The following CACNA1C variants were observed in gnomAD, a reference collection of about 807,000 sequenced individuals.
CACNA1C encodes voltage-dependent L-type calcium channel subunit alpha-1C.
CACNA1C carries 30 observed loss-of-function variants against 229.0 expected under a neutral mutation model. That is an observed-to-expected ratio of 0.13 (90% CI 0.10 to 0.18). The LOEUF (loss-of-function observed/expected upper bound fraction) is 0.18. Among genes scored for constraint, CACNA1C ranks in the 10% least tolerant of loss-of-function variants. The probability of loss-of-function intolerance (pLI) is 1.00; values close to 1 mark genes in which losing one functional copy is unlikely to be tolerated. For synonymous variants in CACNA1C, 1,114 were observed against 1,132.5 expected (o/e 0.98, Z 0.33); for missense variants, 1,658 against 2,845.0 (o/e 0.58, Z 9.49).
At chr12:2,321,186 G>A in intron 3 of CACNA1C, among the ~76,000 whole-genome samples, 1 of 152,136 alleles carries the variant, frequency 6.6e-6, no homozygotes, top group Non-Finnish European at 1.5e-5. Context: ...ACCTGTCCAG[G>A]GGAGGGGCTT....
At chr12:2,196,490 A>G (rs2097406888) in intron 3 of CACNA1C, among the ~76,000 whole-genome samples, 1 of 152,244 alleles carries the variant, frequency 6.6e-6, no homozygotes, top group Non-Finnish European at 1.5e-5. Flanking sequence ...TTTATTATTA[A>G]GTTGGTGTTT....
At chr12:2,572,490 CCT>C in intron 13 of CACNA1C, among the ~76,000 whole-genome samples, 1 of 101,532 alleles carries the variant, frequency 9.8e-6, no homozygotes, top group African/African-American at 3.9e-5. Flanking sequence ...TCTTCCTCCT[CCT>C]CCTCCTCTCC....
rs545579805 is a variant in CACNA1C at position 2,489,403 on chromosome 12, C to T, written c.916+3141C>T. Among the ~76,000 whole-genome samples, 125 of 152,324 alleles carry T rather than the reference C, an allele frequency of 8.2e-4. 1 individual carries two copies. Among genetic ancestry groups the T allele is most frequent in the African/African-American group, 2.7e-3 (114 of 41,584 alleles). On this transcript the variant is annotated intron_variant, in intron 6 of 46. Coordinates refer to ENST00000399655, the MANE Select transcript of CACNA1C (RefSeq NM_000719.7). Reference sequence around the variant, plus strand: ...AGACTGCCCTTCCAGGGAGCAGCCCCGGTGAAGGCGGTCTCAGAAGAGGCG... The same window carrying T: ...AGACTGCCCTTCCAGGGAGCAGCCCTGGTGAAGGCGGTCTCAGAAGAGGCG...
rs1220810511 is a variant in CACNA1C, at chr12:2,630,804, A to C, written c.3829-3493A>C. 5.3e-5 allele frequency among the ~76,000 whole-genome samples: 8 copies of C among 152,174 alleles called. No homozygotes were observed. The highest frequency in any genetic ancestry group is 4.6e-4 in the Admixed American group (7 of 15,280). On this transcript the variant is annotated intron_variant, in intron 29 of 46. Transcript: ENST00000399655. This position sits in a 1 kb window ranked among gnomAD's most constrained non-coding sequence, Gnocchi z 5.4. Reference sequence around the variant, plus strand: ...GCTCCCAGGTAGTGTGCCACCAAACAGATGTCAGTCTAAAGCCTGGAGTAG... The same window carrying C: ...GCTCCCAGGTAGTGTGCCACCAAACCGATGTCAGTCTAAAGCCTGGAGTAG...
Position 2,053,762 on chromosome 12 carries a change from C to T in CACNA1C, c.49+151C>T, listed in dbSNP as rs1391536439. Among the ~76,000 whole-genome samples the T allele has an allele frequency of 1.3e-5, 2 of 150,520 alleles. No individual in the cohort carries two copies. Among genetic ancestry groups the T allele is most frequent in the Non-Finnish European group, 1.5e-5 (1 of 67,468 alleles). Reference sequence around the variant, plus strand: ...GGCGCCTCCGCCTCGTCGGAGCGCCCGGGAGCCCGGCGGGACCGGGGCCCG... The same window carrying T: ...GGCGCCTCCGCCTCGTCGGAGCGCCTGGGAGCCCGGCGGGACCGGGGCCCG... On this transcript the variant is annotated intron_variant, in intron 1 of 46. Coordinates refer to ENST00000399655, the MANE Select transcript of CACNA1C (RefSeq NM_000719.7). The surrounding 1 kb of genome is among the most constrained non-coding windows in gnomAD (Gnocchi z 5.8).
intron 1 of CACNA1C, among the ~76,000 whole-genome samples, chr12:2,099,891 G>A (rs898829004): frequency 2.0e-5 from 3 of 152,110 alleles, no homozygotes; most frequent in African/African-American, 7.2e-5. Context: ...TCATTTGATT[G>A]TCACACAGTG....
intron 34 of CACNA1C, among the ~76,000 whole-genome samples, chr12:2,659,594 C>G (rs942337742): frequency 2.0e-5 from 3 of 152,084 alleles, no homozygotes; most frequent in African/African-American, 7.2e-5. Flanking sequence ...AGAAAAAATT[C>G]AGAGCCTGAA....
intron 9 of CACNA1C, among the ~76,000 whole-genome samples, chr12:2,522,766 A>T (rs527700020): frequency 5.7e-4 from 86 of 152,118 alleles, no homozygotes; most frequent in African/African-American, 2.0e-3. Context: ...ATGAGAGGGG[A>T]TGTCTTTTTC....
At chr12:2,496,820 G>C (rs569387617) in intron 7 of CACNA1C, among the ~76,000 whole-genome samples, 49 of 152,296 alleles carry the variant, frequency 3.2e-4, no homozygotes, top group African/African-American at 1.0e-3. Context: ...CCGGGGATTT[G>C]GAAATGAAAC....
In CACNA1C at chr12:2,567,771, G is replaced by A. The variant is rs202227691; in HGVS notation, c.1872G>A (p.Leu624=). The change falls in exon 13 of 47, where the codon CTG becomes CTA. Residue 624 remains leucine (L), a synonymous_variant. Coordinates refer to ENST00000399655, the MANE Select transcript of CACNA1C (RefSeq NM_000719.7). Reference sequence around the variant, plus strand: ...TCTCCGTGCTCAGATGCGTCCGGCTGCTGAGGATTTTCAAGATCACGAGGT... The same window carrying A: ...TCTCCGTGCTCAGATGCGTCCGGCTACTGAGGATTTTCAAGATCACGAGGT... ...LGISVLRCVR[L]LRIFKITRYW... 44 of 1,609,748 alleles carry A rather than the reference G, an allele frequency of 2.7e-5. No individual in the cohort carries two copies. The African/African-American group carries it at 3.6e-4, about 13-fold the overall frequency.
At position 2,181,198 on chromosome 12, in the gene CACNA1C, G is replaced by A. The variant is rs111855017; in HGVS notation, c.477+60768G>A. ...GGTAACAATGATCATTACTACCTCT[G>A]TTATTTCCTGTAGCCAACTGACATC... is the stretch of plus-strand genomic sequence containing the variant. On this transcript the variant is annotated intron_variant, in intron 3 of 46. Coordinates refer to ENST00000399655, the MANE Select transcript of CACNA1C (RefSeq NM_000719.7). The surrounding 1 kb of genome is among the most constrained non-coding windows in gnomAD (Gnocchi z 4.0). Among the ~76,000 whole-genome samples the A allele has an allele frequency of 1.4e-4, 22 of 152,272 alleles. No individual in the cohort carries two copies. Among genetic ancestry groups the A allele is most frequent in the African/African-American group, 5.1e-4 (21 of 41,548 alleles).
rs758461435 is a variant in CACNA1C, at chr12:2,606,655, G to T, written c.3201G>T (p.Ala1067=). ...TCSDSSKQTE[A]ECKGNYITYK... is the part of the protein sequence containing the mutation. ...CAGACAGTTCCAAGCAGACAGAGGC[G>T]GAATGCAAGTGAGTAGAGGTGGGAG... Residue 1067 remains alanine, a synonymous_variant, in exon 25 of 47, where the codon GCG becomes GCT. Transcript: ENST00000399655. The T allele has an allele frequency of 6.2e-7, 1 of 1,609,012 alleles. No homozygotes were observed. Among genetic ancestry groups the T allele is most frequent in the Non-Finnish European group, 8.5e-7 (1 of 1,177,884 alleles).
intron 1 of CACNA1C, among the ~76,000 whole-genome samples, chr12:2,001,875 T>C (rs1196290955): frequency 6.6e-6 from 1 of 152,052 alleles, no homozygotes; most frequent in Non-Finnish European, 1.5e-5. Flanking sequence ...ACCAAAAACG[T>C]CTCCAGACAC....
chr12:2,540,280 T>TATGA (rs2099866431), intron 9 of CACNA1C, among the ~76,000 whole-genome samples: 1 of 152,020 alleles, frequency 6.6e-6, no homozygotes, highest in African/African-American at 2.4e-5. Context: ...CCCATGATGA[T>TATGA]ATGAAGTGTT....
chr12:2,445,487 G>C (rs944310302), intron 3 of CACNA1C, among the ~76,000 whole-genome samples: 1 of 152,188 alleles, frequency 6.6e-6, no homozygotes, highest in African/African-American at 2.4e-5. Context: ...CATGTTCTAT[G>C]CCAGGATGCA....
intron 46 of CACNA1C, among the ~76,000 whole-genome samples, chr12:2,690,532 T>C (rs1023949462): frequency 6.6e-6 from 1 of 152,230 alleles, no homozygotes; most frequent in Non-Finnish European, 1.5e-5. Flanking sequence ...GAAGTTTCCC[T>C]GTGTTGCCTG....
At chr12:2,314,551 G>T (rs567714319) in intron 3 of CACNA1C, among the ~76,000 whole-genome samples, 1 of 152,304 alleles carries the variant, frequency 6.6e-6, no homozygotes, top group South Asian at 2.1e-4. Context: ...AAATGGCATA[G>T]ATCCATTTCC....
chr12:2,092,926 C>T (rs966060897), intron 1 of CACNA1C, among the ~76,000 whole-genome samples: 5 of 152,204 alleles, frequency 3.3e-5, no homozygotes, highest in South Asian at 2.1e-4. Context: ...ATCTTCTGGC[C>T]TCTTCCCTTC....
At chr12:2,557,149 C>T (rs2044813704) in intron 11 of CACNA1C, among the ~76,000 whole-genome samples, 172 bp downstream of exon 11, 1 of 152,216 alleles carries the variant, frequency 6.6e-6, no homozygotes, top group Non-Finnish European at 1.5e-5. Flanking sequence ...TGGCTCAGAT[C>T]AGACAAATAA....
Sources: gnomAD v4.1 joint callset for allele counts (sites outside exome capture counted in the v4.1 genomes callset) on GRCh38, gnomAD v4.1.1 for gene constraint, Gnocchi (gnomAD v3.1) non-coding constraint, MANE v1.5 for transcripts, NCBI Gene and HGNC (gene_info 2026-07-23, HGNC 2026-07-21) for gene names.